TECTA: variants seen among roughly 807,000 people sequenced by gnomAD.
TECTA encodes tectorin alpha, also known as alpha-tectorin.
In TECTA, 128 loss-of-function variants were observed where a neutral mutation model predicts 216.8. The observed-to-expected ratio is 0.59, with a 90% CI of 0.51 to 0.68. The LOEUF (loss-of-function observed/expected upper bound fraction) is 0.68. TECTA is among the 30% of genes least tolerant of loss of function. The pLI, the probability that TECTA is intolerant of heterozygous loss-of-function variation, is 0.00. For synonymous variants in TECTA, 1,089 were observed against 1,117.1 expected (o/e 0.97, Z 0.50); for missense variants, 2,551 against 2,786.2 (o/e 0.92, Z 1.90).
In TECTA at chr11:121,105,318, C is replaced by T. The variant is rs1421243580; in HGVS notation, c.65-513C>T. Among the ~76,000 whole-genome samples the T allele has an allele frequency of 1.3e-5, 2 of 152,230 alleles. No individual in the cohort carries two copies. The highest frequency in any genetic ancestry group is 4.8e-5 in the African/African-American group (2 of 41,466). On this transcript the variant is annotated intron_variant, in intron 2 of 23. Coordinates refer to ENST00000392793, the MANE Select transcript of TECTA (RefSeq NM_005422.4). This position sits in a 1 kb window ranked among gnomAD's most constrained non-coding sequence, Gnocchi z 5.3. ...ATTCATGGGCCAATTGCTACAAATCCTCTCCTCCCACTTTTGTCTCAGTTC... is the reference window on the plus strand; with the variant it reads ...ATTCATGGGCCAATTGCTACAAATCTTCTCCTCCCACTTTTGTCTCAGTTC...
chr11:121,155,699 G>C (rs1453714959), intron 13 of TECTA, among the ~76,000 whole-genome samples: 3 of 152,134 alleles, frequency 2.0e-5, no homozygotes, highest in African/African-American at 7.2e-5. Flanking sequence ...ATCTTTTCTG[G>C]ATAACGCTAT....
At chr11:121,174,579 T>C (rs1947146109) in intron 20 of TECTA, among the ~76,000 whole-genome samples, 1 of 152,220 alleles carries the variant, frequency 6.6e-6, no homozygotes, top group Non-Finnish European at 1.5e-5. Context: ...GATGTGCTGC[T>C]GGATTTGGTT....
chr11:121,165,342 G>T lies in TECTA; in HGVS notation c.5342G>T (p.Arg1781Met). The change falls in exon 17 of 24, where the codon AGG becomes ATG. Residue 1781 changes from arginine (R) to methionine (M), a missense_variant. Arg to Met is a moderately conservative substitution (Grantham distance 91, BLOSUM62 -1). Coordinates refer to ENST00000392793, the MANE Select transcript of TECTA (RefSeq NM_005422.4). Reference protein sequence around the residue: ...PNRTCELGNGRELCGCIEPPP... With the variant: ...PNRTCELGNGMELCGCIEPPP... ...CGAACTTGCGAGCTGGGCAATGGCA[G>T]GGAGCTGTGTGGCTGCATCGAGCCA... 1 of 1,606,776 alleles carries T rather than the reference G, an allele frequency of 6.2e-7. No homozygotes were observed.
At chr11:121,150,844 C>T (rs1946883597) in intron 12 of TECTA, among the ~76,000 whole-genome samples, 1 of 152,016 alleles carries the variant, frequency 6.6e-6, no homozygotes, top group East Asian at 1.9e-4. Flanking sequence ...CAGGGTTTCA[C>T]CATGTTGGCC....
intron 13 of TECTA, among the ~76,000 whole-genome samples, chr11:121,157,161 T>A (rs565113508): frequency 3.3e-5 from 5 of 152,300 alleles, no homozygotes; most frequent in African/African-American, 1.2e-4. Context: ...TGAAGCAGAG[T>A]CTGTACTTGT....
chr11:121,181,478 T>TTATTATTATTATTA (rs1947228740), intron 20 of TECTA, among the ~76,000 whole-genome samples: 1 of 88,388 alleles, frequency 1.1e-5, no homozygotes, highest in African/African-American at 6.4e-5. Flanking sequence ...TATTATGATT[T>TTATTATTATTATTA]TATTTTTTGA....
rs1946622146 is a variant in TECTA at position 121,127,297 on chromosome 11, C to T, written c.1775-455C>T. Among the ~76,000 whole-genome samples the T allele has an allele frequency of 6.6e-6, 1 of 152,160 alleles. No individual in the cohort carries two copies. Among genetic ancestry groups the T allele is most frequent in the Admixed American group, 6.5e-5 (1 of 15,276 alleles). ...AAGTGCCTCCCTGTTACAAATTTCA[C>T]GTTTTCAAATTACTCCTCTAATGGT... On this transcript the variant is annotated intron_variant, in intron 8 of 23. Transcript: ENST00000392793. The surrounding 1 kb of genome is among the most constrained non-coding windows in gnomAD (Gnocchi z 5.0).
intron 16 of TECTA, among the ~76,000 whole-genome samples, chr11:121,165,027 G>A (rs1416025291): frequency 6.6e-6 from 1 of 152,176 alleles, no homozygotes; most frequent in Non-Finnish European, 1.5e-5. Context: ...CTGTGAAATA[G>A]AGCTTATAAT....
chr11:121,178,431 T>G (rs1947191563), intron 20 of TECTA, among the ~76,000 whole-genome samples: 1 of 152,278 alleles, frequency 6.6e-6, no homozygotes, highest in South Asian at 2.1e-4. Flanking sequence ...TCATGGCGTA[T>G]TATCTTTTTG....
chr11:121,112,146 AGGG>A (rs1161056612), intron 4 of TECTA, among the ~76,000 whole-genome samples: 1 of 152,216 alleles, frequency 6.6e-6, no homozygotes, highest in Admixed American at 6.5e-5. Flanking sequence ...ACATGTGACA[AGGG>A]GTGAGGATTA....
At chr11:121,147,213 T>A (rs1946846784) in intron 12 of TECTA, among the ~76,000 whole-genome samples, 1 of 152,226 alleles carries the variant, frequency 6.6e-6, no homozygotes, top group Admixed American at 6.5e-5. Flanking sequence ...CTTTTAAAAC[T>A]ACAAATTGAT....
chr11:121,155,700 A>G (rs918086453), intron 13 of TECTA, among the ~76,000 whole-genome samples: 2 of 152,186 alleles, frequency 1.3e-5, no homozygotes, highest in African/African-American at 4.8e-5. Context: ...TCTTTTCTGG[A>G]TAACGCTATT....
At chr11:121,152,519 G>C (rs535425122) in intron 12 of TECTA, among the ~76,000 whole-genome samples, 8 of 152,326 alleles carry the variant, frequency 5.3e-5, no homozygotes, top group South Asian at 2.1e-4. Context: ...CCTAGAGGCA[G>C]GAGGAGTGTG....
chr11:121,113,485 G>A lies in TECTA; in HGVS notation c.625-68G>A, dbSNP rs1388535730. On this transcript the variant is annotated intron_variant, in intron 5 of 23. Coordinates refer to ENST00000392793, the MANE Select transcript of TECTA (RefSeq NM_005422.4). This position sits in a 1 kb window ranked among gnomAD's most constrained non-coding sequence, Gnocchi z 4.2. Reference sequence around the variant, plus strand: ...AGAGGTGCTGGATTTTAAAAATAAGGTAGTTGGGCCAGTTAACCCATGGGG... The same window carrying A: ...AGAGGTGCTGGATTTTAAAAATAAGATAGTTGGGCCAGTTAACCCATGGGG... The A allele has an allele frequency of 6.3e-7, 1 of 1,596,864 alleles. No individual in the cohort carries two copies. Among genetic ancestry groups the A allele is most frequent in the East Asian group, 2.2e-5 (1 of 44,782 alleles).
rs10892676 is a variant in TECTA, at chr11:121,145,389, T to C, written c.3544-166T>C. On this transcript the variant is annotated intron_variant, in intron 11 of 23. Transcript: ENST00000392793. ...ATAGTCATTTGCGTCTGTTCAAATC[T>C]TAATCATAATAGTTGACTGACATAA... Among the ~76,000 whole-genome samples the C allele has an allele frequency of 0.27, 41,554 of 152,122 alleles. 7,204 individuals are homozygous for C. Among genetic ancestry groups the C allele is most frequent in the African/African-American group, 0.49 (20,272 of 41,438 alleles).
At chr11:121,141,937 G>A (rs1946788552) in intron 11 of TECTA, among the ~76,000 whole-genome samples, 1 of 152,224 alleles carries the variant, frequency 6.6e-6, no homozygotes, top group Admixed American at 6.5e-5. Context: ...GGGTGTGAGA[G>A]CACAGAGGAG....
At chr11:121,165,123 T>G in intron 16 of TECTA, 150 bp from the exon 17 acceptor site, 1 of 756,490 alleles carries the variant, frequency 1.3e-6, no homozygotes, top group Non-Finnish European at 2.3e-6. Flanking sequence ...TGACATTATT[T>G]TCTGGAAGGT....
In TECTA at chr11:121,145,538, C is replaced by T. The variant is rs764504857; in HGVS notation, c.3544-17C>T. 3 of 1,613,748 alleles carry T rather than the reference C, an allele frequency of 1.9e-6. No individual in the cohort carries two copies. The African/African-American group carries it at 4.0e-5, about 22-fold the overall frequency. On this transcript the variant is annotated splice_polypyrimidine_tract_variant and intron_variant, in intron 11 of 23. Transcript: ENST00000392793. ...CTGGGCCAACTGTGTTTCTCCACCT[C>T]ATCTCTCCTCTTACAGGTCAACAGT...
Position 121,190,977 on chromosome 11 carries a change from C to G in TECTA, c.*171C>G, listed in dbSNP as rs1947335363. On this transcript the variant is annotated 3_prime_UTR_variant, in exon 24 of 24. Transcript: ENST00000392793. ...CAGAAACCAGCGACCATCCAAGCTC[C>G]TCTTTCAGAGTATGAAACGGGGCTT... 6.8e-6 allele frequency: 4 copies of G among 586,724 alleles called. No individual in the cohort carries two copies. The highest frequency in any genetic ancestry group is 1.2e-5 in the Non-Finnish European group (4 of 325,422). 36.3% of individuals were successfully genotyped at this position (586,724 alleles called of 1,614,324 possible). A position where few individuals can be genotyped will look rare whatever the true frequency, so the allele number is the denominator to read the frequency against.
Sources: allele counts gnomAD v4.1 joint callset (sites outside exome capture counted in the v4.1 genomes callset), GRCh38; gene constraint gnomAD v4.1.1; non-coding constraint Gnocchi (gnomAD v3.1); transcripts MANE v1.5; gene names NCBI Gene and HGNC (gene_info 2026-07-23, HGNC 2026-07-21).